The following IL1RAPL2 variants were observed in gnomAD, a reference collection of about 807,000 sequenced individuals.
IL1RAPL2 encodes X-linked interleukin-1 receptor accessory protein-like 2.
Under a neutral mutation model 44.1 loss-of-function variants are expected in IL1RAPL2, and 3 were observed. That is an observed-to-expected ratio of 0.07 (90% CI 0.03 to 0.18). The LOEUF (loss-of-function observed/expected upper bound fraction) is 0.18. IL1RAPL2 is among the 10% of genes least tolerant of loss of function. The probability of loss-of-function intolerance (pLI) is 1.00; values close to 1 mark genes in which losing one functional copy is unlikely to be tolerated. For synonymous variants in IL1RAPL2, 181 were observed against 178.8 expected (o/e 1.01, Z -0.10); for missense variants, 391 against 496.4 (o/e 0.79, Z 2.02).
chrX:105,753,402 A>G (rs2038611600), intron 9 of IL1RAPL2, among the ~76,000 whole-genome samples: 1 of 111,640 alleles, frequency 9.0e-6, no homozygotes, highest in Non-Finnish European at 1.9e-5. Flanking sequence ...ACTATCTATC[A>G]AGAACAATGA....
Position 104,585,326 on chromosome X carries a change from ATAATATATATTATATATT to A in IL1RAPL2, c.-20+18276_-20+18293del, listed in dbSNP as rs1569487955. On this transcript the variant is annotated intron_variant, in intron 1 of 10. Transcript: ENST00000372582. ...ATATATTATATAATATATATTATAT[ATAATATATATTATATATT>A]ATATATATTATATATATTATATATA... Among the ~76,000 whole-genome samples, 18 of 19,455 alleles carry A rather than the reference ATAATATATATTATATATT, an allele frequency of 9.3e-4. 2 individuals are homozygous for A. The highest frequency in any genetic ancestry group is 8.6e-3 in the African/African-American group (18 of 2,087). 16.9% of individuals were successfully genotyped at this position (19,455 alleles called of 115,157 possible). A position where few individuals can be genotyped will look rare whatever the true frequency, so the allele number is the denominator to read the frequency against.
intron 6 of IL1RAPL2, among the ~76,000 whole-genome samples, chrX:105,626,642 A>G (rs1022324095): frequency 2.7e-5 from 3 of 111,469 alleles, no homozygotes; most frequent in Non-Finnish European, 3.8e-5. Flanking sequence ...TACAAGTGCA[A>G]TTTTGTTACA....
chrX:105,045,389 T>A (rs1448281857), intron 2 of IL1RAPL2, among the ~76,000 whole-genome samples: 1 of 111,488 alleles, frequency 9.0e-6, no homozygotes, highest in African/African-American at 3.3e-5. Context: ...ACAGTGTAAG[T>A]GTATAATTTA....
At chrX:105,002,531 T>C (rs1242565977) in intron 2 of IL1RAPL2, among the ~76,000 whole-genome samples, 2 of 110,923 alleles carry the variant, frequency 1.8e-5, no homozygotes, top group Non-Finnish European at 3.8e-5. Context: ...ACGAAAGAAT[T>C]GAATGTTTTA....
intron 3 of IL1RAPL2, among the ~76,000 whole-genome samples, chrX:105,208,600 T>C (rs1239917811): frequency 9.0e-6 from 1 of 111,248 alleles, no homozygotes; most frequent in Non-Finnish European, 1.9e-5. Flanking sequence ...TAATGTATAT[T>C]TCCACCTTGG....
intron 4 of IL1RAPL2, among the ~76,000 whole-genome samples, chrX:105,250,160 T>C (rs1278502818): frequency 9.0e-6 from 1 of 111,184 alleles, no homozygotes; most frequent in African/African-American, 3.3e-5. Flanking sequence ...AAGGTAGTAC[T>C]ATAGAGAGAA....
intron 2 of IL1RAPL2, 49 bp downstream of exon 2, chrX:104,659,044 G>T (rs1346908636): frequency 3.2e-6 from 3 of 928,298 alleles, no homozygotes; most frequent in Non-Finnish European, 4.6e-6. Context: ...GTACAGTTTT[G>T]TGAGCACCCA....
At chrX:105,489,270 A>G (rs771942301) in intron 6 of IL1RAPL2, among the ~76,000 whole-genome samples, 3 of 110,662 alleles carry the variant, frequency 2.7e-5, no homozygotes, top group Non-Finnish European at 5.6e-5. Flanking sequence ...AATTCGAGAA[A>G]TAAACCTTGA....
chrX:104,591,134 C>CT (rs756588420), intron 1 of IL1RAPL2, among the ~76,000 whole-genome samples: 2 of 111,919 alleles, frequency 1.8e-5, no homozygotes, highest in African/African-American at 6.5e-5. Context: ...AACTATCTTA[C>CT]TTTTTTTCCT....
At chrX:105,393,712 A>G (rs1397684874) in intron 5 of IL1RAPL2, among the ~76,000 whole-genome samples, 2 of 111,860 alleles carry the variant, frequency 1.8e-5, no homozygotes, top group Non-Finnish European at 3.8e-5. Context: ...TTTTGTAAAG[A>G]TGGTTTCCCT....
chrX:104,605,000 A>T (rs891948865), intron 1 of IL1RAPL2, among the ~76,000 whole-genome samples: 1 of 111,604 alleles, frequency 9.0e-6, no homozygotes, highest in African/African-American at 3.3e-5. Context: ...TCCACCCCAA[A>T]TCAACAGAAT....
chrX:105,194,550 TC>T (rs1373169684), intron 2 of IL1RAPL2, among the ~76,000 whole-genome samples: 1 of 112,096 alleles, frequency 8.9e-6, no homozygotes, highest in Non-Finnish European at 1.9e-5. Context: ...TACATGTCTT[TC>T]TTTAATGGTA....
intron 2 of IL1RAPL2, among the ~76,000 whole-genome samples, chrX:104,972,348 C>A (rs1305452919): frequency 9.0e-6 from 1 of 111,566 alleles, no homozygotes. Context: ...AAGATAGAAT[C>A]ATTAGTGTAC....
At chrX:105,111,502 C>T (rs897306369) in intron 2 of IL1RAPL2, among the ~76,000 whole-genome samples, 14 of 111,427 alleles carry the variant, frequency 1.3e-4, no homozygotes, top group African/African-American at 4.6e-4. Flanking sequence ...AACAAAGAAA[C>T]CAGGTCTGCA....
intron 2 of IL1RAPL2, among the ~76,000 whole-genome samples, chrX:104,709,002 A>G (rs1266621124): frequency 9.0e-6 from 1 of 111,576 alleles, no homozygotes; most frequent in Non-Finnish European, 1.9e-5. Context: ...GTTTTGGATA[A>G]TCTGCCCTTT....
At chrX:105,132,805 G>T (rs1290555285) in intron 2 of IL1RAPL2, among the ~76,000 whole-genome samples, 2 of 111,252 alleles carry the variant, frequency 1.8e-5, no homozygotes, top group Non-Finnish European at 3.8e-5. Context: ...ACATTTTTGG[G>T]CAAACTTACT....
chrX:104,740,417 A>G (rs1391461975), intron 2 of IL1RAPL2, among the ~76,000 whole-genome samples: 5 of 111,001 alleles, frequency 4.5e-5, no homozygotes, highest in Admixed American at 2.9e-4. Flanking sequence ...GTTGTCTGTT[A>G]TATTAGTGTC....
chrX:104,677,639 A>C (rs1039445384), intron 2 of IL1RAPL2, among the ~76,000 whole-genome samples: 12 of 112,521 alleles, frequency 1.1e-4, no homozygotes, highest in Admixed American at 2.8e-4. Context: ...TTCGAGCTTC[A>C]TGGCTGCTTT....
At chrX:105,374,348 A>G (rs892287871) in intron 5 of IL1RAPL2, among the ~76,000 whole-genome samples, 10 of 110,688 alleles carry the variant, frequency 9.0e-5, no homozygotes, top group Non-Finnish European at 1.1e-4. Flanking sequence ...GAGTTTTAAA[A>G]TAGTTTTTTT....
Sources: gnomAD v4.1 joint callset for allele counts (sites outside exome capture counted in the v4.1 genomes callset) on GRCh38, gnomAD v4.1.1 for gene constraint, MANE v1.5 for transcripts, NCBI Gene and HGNC (gene_info 2026-07-23, HGNC 2026-07-21) for gene names.